Variants in NEGR1 observed in about 807,000 individuals in gnomAD.
NEGR1 encodes IgLON family member 4.
Under a neutral mutation model 40.9 loss-of-function variants are expected in NEGR1, and 10 were observed. That is an observed-to-expected ratio of 0.24 (90% CI 0.15 to 0.42). The LOEUF (loss-of-function observed/expected upper bound fraction) is 0.42. Ranked by LOEUF, NEGR1 falls within the 10% of genes least tolerant of loss-of-function variation. NEGR1 has a pLI of 1.00. For synonymous variants in NEGR1, 185 were observed against 166.8 expected (o/e 1.11, Z -0.84); for missense variants, 352 against 438.9 (o/e 0.80, Z 1.77).
intron 2 of NEGR1, among the ~76,000 whole-genome samples, chr1:71,841,112 G>A (rs1300317530): frequency 2.0e-5 from 3 of 152,002 alleles, no homozygotes; most frequent in South Asian, 4.2e-4. Context: ...CTATTCCTCT[G>A]GAGAACCTTG....
chr1:72,105,616 A>G (rs1219156269), intron 1 of NEGR1, among the ~76,000 whole-genome samples: 1 of 152,102 alleles, frequency 6.6e-6, no homozygotes, highest in African/African-American at 2.4e-5. Context: ...AAACAAAAAC[A>G]ATGTTAGGGA....
intron 1 of NEGR1, among the ~76,000 whole-genome samples, chr1:72,267,962 G>T (rs947574375): frequency 1.3e-5 from 2 of 151,014 alleles, no homozygotes; most frequent in Non-Finnish European, 3.0e-5. Context: ...AGAGAAAACA[G>T]TATGAAAGAA....
At chr1:71,834,070 C>T (rs907166718) in intron 2 of NEGR1, among the ~76,000 whole-genome samples, 3 of 152,100 alleles carry the variant, frequency 2.0e-5, no homozygotes, top group African/African-American at 7.2e-5. Context: ...TGGATTTTGG[C>T]CTACCTTTTC....
At chr1:71,597,042 A>C (rs1307432723) in intron 5 of NEGR1, among the ~76,000 whole-genome samples, 1 of 152,188 alleles carries the variant, frequency 6.6e-6, no homozygotes, top group African/African-American at 2.4e-5. Context: ...TTGAATCATA[A>C]AAGTTTTATT....
intron 4 of NEGR1, among the ~76,000 whole-genome samples, chr1:71,685,800 A>G (rs1383730634): frequency 6.6e-6 from 1 of 152,136 alleles, no homozygotes; most frequent in Non-Finnish European, 1.5e-5. Flanking sequence ...TCATATCCAG[A>G]TCATTGGTAT....
chr1:71,721,086 A>T (rs932551349), intron 3 of NEGR1, among the ~76,000 whole-genome samples: 2 of 152,210 alleles, frequency 1.3e-5, no homozygotes, highest in Non-Finnish European at 2.9e-5. Context: ...AACACAAGTC[A>T]TTGACCCTGC....
chr1:71,483,172 G>A (rs1356747267), intron 6 of NEGR1, among the ~76,000 whole-genome samples: 2 of 151,452 alleles, frequency 1.3e-5, no homozygotes, highest in African/African-American at 4.8e-5. Flanking sequence ...GAGTCCACCA[G>A]GCATTGCATT....
At chr1:71,653,945 C>G (rs1158455021) in intron 4 of NEGR1, among the ~76,000 whole-genome samples, 2 of 152,054 alleles carry the variant, frequency 1.3e-5, no homozygotes, top group Non-Finnish European at 2.9e-5. Context: ...TTCATGACAC[C>G]TCAGATAACT....
intron 1 of NEGR1, among the ~76,000 whole-genome samples, chr1:72,166,929 C>G (rs1651787007): frequency 6.6e-6 from 1 of 151,694 alleles, no homozygotes. Flanking sequence ...AATAATATTC[C>G]AGAGAATACT....
chr1:71,688,367 G>GATATATATATATATA (rs1491505759), intron 4 of NEGR1, among the ~76,000 whole-genome samples: 1 of 28,198 alleles, frequency 3.5e-5, no homozygotes, highest in Non-Finnish European at 7.2e-5. Flanking sequence ...ATATATATAT[G>GATATATATATATATA]AGATATATAC....
intron 2 of NEGR1, among the ~76,000 whole-genome samples, chr1:71,863,713 CA>C (rs1660022063): frequency 6.6e-6 from 1 of 152,106 alleles, no homozygotes; most frequent in South Asian, 2.1e-4. Flanking sequence ...TATTAAGTTT[CA>C]AAAGCAGATG....
At chr1:72,233,664 C>T (rs1340622696) in intron 1 of NEGR1, among the ~76,000 whole-genome samples, 3 of 152,100 alleles carry the variant, frequency 2.0e-5, no homozygotes, top group Non-Finnish European at 2.9e-5. Context: ...AGGATGTATA[C>T]ATACCACATT....
chr1:71,753,862 G>T (rs1462600236), intron 3 of NEGR1, among the ~76,000 whole-genome samples: 2 of 151,928 alleles, frequency 1.3e-5, no homozygotes. Context: ...CACCTGGGAA[G>T]AGAAATGCTG....
chr1:71,828,997 T>C (rs951757722), intron 2 of NEGR1, among the ~76,000 whole-genome samples: 3 of 151,934 alleles, frequency 2.0e-5, no homozygotes, highest in Admixed American at 1.3e-4. Flanking sequence ...TTGGAAATTG[T>C]GTAACATCCA....
intron 6 of NEGR1, among the ~76,000 whole-genome samples, chr1:71,547,163 G>A (rs573000395): frequency 6.6e-6 from 1 of 151,800 alleles, no homozygotes; most frequent in South Asian, 2.1e-4. Context: ...TATAGCTAAA[G>A]TAGGAAGAGG....
rs201609735 is a variant in NEGR1, at chr1:71,649,993, T to C, written c.668-38847A>G. On this transcript the variant is annotated intron_variant, in intron 4 of 6. Transcript: ENST00000357731. ...CCTAGTTTATGGAAAAATGAGAAAA[T>C]ACAGGAATTATACTCCATATGGAAT... 1.4e-4 allele frequency among the ~76,000 whole-genome samples: 22 copies of C among 152,066 alleles called. 1 individual carries two copies. In the East Asian group the frequency reaches 3.3e-3, roughly 23 times the overall value.
At chr1:72,017,320 C>T (rs1309411349) in intron 1 of NEGR1, among the ~76,000 whole-genome samples, 1 of 152,048 alleles carries the variant, frequency 6.6e-6, no homozygotes, top group Non-Finnish European at 1.5e-5. Flanking sequence ...ATATCATATG[C>T]TTCTTTGCAG....
intron 2 of NEGR1, among the ~76,000 whole-genome samples, chr1:71,844,585 C>T (rs1325495838): frequency 1.3e-5 from 2 of 152,170 alleles, no homozygotes; most frequent in South Asian, 2.1e-4. Context: ...CACATGGAAG[C>T]TGTCCTTGAC....
chr1:71,906,648 A>T (rs1039803165), intron 2 of NEGR1, among the ~76,000 whole-genome samples: 2 of 152,154 alleles, frequency 1.3e-5, no homozygotes, highest in African/African-American at 4.8e-5. Flanking sequence ...AGTGAAAAAA[A>T]ACTGTCAAAT....
Sources: allele counts gnomAD v4.1 joint callset (sites outside exome capture counted in the v4.1 genomes callset), GRCh38; gene constraint gnomAD v4.1.1; transcripts MANE v1.5; gene names NCBI Gene and HGNC (gene_info 2026-07-23, HGNC 2026-07-21).